Variants in KCNQ5 observed in about 807,000 individuals in gnomAD.
KCNQ5 encodes potassium voltage-gated channel subfamily Q member 5.
Under a neutral mutation model 98.2 loss-of-function variants are expected in KCNQ5, and 30 were observed. The observed-to-expected ratio is 0.31, with a 90% CI of 0.23 to 0.41. KCNQ5 has a LOEUF of 0.41. Among genes scored for constraint, KCNQ5 ranks in the 10% least tolerant of loss-of-function variants. The pLI is 1.00. For synonymous variants in KCNQ5, 458 were observed against 449.4 expected (o/e 1.02, Z -0.24); for missense variants, 835 against 1,182.5 (o/e 0.71, Z 4.31).
chr6:72,736,528 C>A (rs1450572177), intron 1 of KCNQ5, among the ~76,000 whole-genome samples: 9 of 95,224 alleles, frequency 9.5e-5, no homozygotes, highest in Non-Finnish European at 8.9e-5. Context: ...GAGACGGAGT[C>A]TCGCTCTGTC....
At chr6:72,718,451 T>C (rs1270946715) in intron 1 of KCNQ5, among the ~76,000 whole-genome samples, 1 of 135,210 alleles carries the variant, frequency 7.4e-6, no homozygotes, top group African/African-American at 2.8e-5. Flanking sequence ...TGCTCTTTTT[T>C]TTTTTTTTTT....
chr6:72,844,447 T>C (rs762917187), intron 1 of KCNQ5, among the ~76,000 whole-genome samples: 4 of 152,234 alleles, frequency 2.6e-5, no homozygotes, highest in Admixed American at 6.5e-5. Flanking sequence ...CATTCTATAA[T>C]GAAACATATT....
chr6:72,664,381 C>T (rs1003228114), intron 1 of KCNQ5, among the ~76,000 whole-genome samples: 16 of 152,028 alleles, frequency 1.1e-4, no homozygotes, highest in Non-Finnish European at 7.4e-5. Flanking sequence ...AGGCCGGGTG[C>T]GGTGGCTCAT....
chr6:73,173,984 TG>T (rs1455305182), intron 11 of KCNQ5, among the ~76,000 whole-genome samples: 2 of 152,134 alleles, frequency 1.3e-5, no homozygotes, highest in Non-Finnish European at 2.9e-5. Context: ...ATTCACCATT[TG>T]GGGAAAGAGC....
At chr6:72,823,427 A>G (rs1029056050) in intron 1 of KCNQ5, among the ~76,000 whole-genome samples, 29 of 152,160 alleles carry the variant, frequency 1.9e-4, no homozygotes, top group African/African-American at 6.8e-4. Flanking sequence ...AAATACAAGT[A>G]TTTGTAGGAA....
chr6:72,981,071 T>C (rs979538610), intron 1 of KCNQ5, among the ~76,000 whole-genome samples: 5 of 152,242 alleles, frequency 3.3e-5, no homozygotes, highest in Non-Finnish European at 7.3e-5. Flanking sequence ...CAGTATTTTA[T>C]TGAGGATTTT....
At chr6:72,736,071 ATG>A (rs1770814244) in intron 1 of KCNQ5, among the ~76,000 whole-genome samples, 1 of 128,180 alleles carries the variant, frequency 7.8e-6, no homozygotes, top group Non-Finnish European at 1.6e-5. Context: ...TCATGCACAT[ATG>A]TGTGTACACA....
chr6:72,940,982 TG>T (rs553274343), intron 1 of KCNQ5, among the ~76,000 whole-genome samples: 101 of 152,240 alleles, frequency 6.6e-4, no homozygotes, highest in African/African-American at 2.4e-3. Flanking sequence ...ATTAGATGAC[TG>T]AAAAAAAATA....
intron 11 of KCNQ5, among the ~76,000 whole-genome samples, chr6:73,186,204 G>A (rs569745825): frequency 4.6e-5 from 7 of 151,968 alleles, no homozygotes; most frequent in South Asian, 2.1e-4. Flanking sequence ...TCCACCTGGC[G>A]TGACAGAGTG....
intron 1 of KCNQ5, among the ~76,000 whole-genome samples, chr6:72,967,451 A>G (rs1163701774): frequency 6.6e-6 from 1 of 152,214 alleles, no homozygotes; most frequent in Non-Finnish European, 1.5e-5. Context: ...AAGTTTGGGC[A>G]TATATTAGTT....
At chr6:72,644,326 C>T (rs554356387) in intron 1 of KCNQ5, among the ~76,000 whole-genome samples, 2 of 152,098 alleles carry the variant, frequency 1.3e-5, no homozygotes, top group African/African-American at 4.8e-5. Context: ...GTTTGTAAGT[C>T]ATACCTGAAT....
rs549221277 is a variant in KCNQ5 at position 72,785,557 on chromosome 6, G to C, written c.398+162970G>C. On this transcript the variant is annotated intron_variant, in intron 1 of 13. Transcript: ENST00000370398. ...CCCAGATACTCGGGAGGCTGAGTCA[G>C]GAGAATCCCTTAAACCTGGGAGGTG... Among the ~76,000 whole-genome samples the C allele has an allele frequency of 1.3e-4, 20 of 151,990 alleles. 1 individual carries two copies. Among genetic ancestry groups the C allele is most frequent in the Non-Finnish European group, 2.6e-4 (18 of 68,008 alleles).
chr6:72,691,697 A>T (rs1768220758), intron 1 of KCNQ5, among the ~76,000 whole-genome samples: 1 of 152,214 alleles, frequency 6.6e-6, no homozygotes, highest in Non-Finnish European at 1.5e-5. Flanking sequence ...CATTTTGGAC[A>T]GATGTCCTTA....
intron 1 of KCNQ5, among the ~76,000 whole-genome samples, chr6:72,834,609 A>T (rs1289745126): frequency 2.0e-5 from 3 of 152,212 alleles, no homozygotes; most frequent in Non-Finnish European, 4.4e-5. Flanking sequence ...ACTGAAGCAC[A>T]ATTAAATTCT....
chr6:72,756,610 T>C (rs182978280), intron 1 of KCNQ5, among the ~76,000 whole-genome samples: 61 of 152,274 alleles, frequency 4.0e-4, no homozygotes, highest in Admixed American at 8.5e-4. Flanking sequence ...ATTGAAATCA[T>C]TTTTCAAAAA....
Position 72,929,825 on chromosome 6 carries a change from T to A in KCNQ5, c.399-74083T>A, listed in dbSNP as rs115850672. 5.5e-3 allele frequency among the ~76,000 whole-genome samples: 844 copies of A among 152,200 alleles called. 6 individuals are homozygous for A. Among genetic ancestry groups the A allele is most frequent in the African/African-American group, 0.02 (812 of 41,544 alleles). On this transcript the variant is annotated intron_variant, in intron 1 of 13. Coordinates refer to ENST00000370398, the MANE Select transcript of KCNQ5 (RefSeq NM_019842.4). ...TTGTTGATGAAATTAATAAAGAATA[T>A]CAAAAAGCCCATTAGGTAGATATTT...
chr6:73,195,543 C>A lies in KCNQ5; in HGVS notation c.*129C>A. 1.7e-6 allele frequency: 2 copies of A among 1,192,514 alleles called. No individual in the cohort carries two copies. Among genetic ancestry groups the A allele is most frequent in the African/African-American group, 1.5e-5 (1 of 65,492 alleles). The allele number at this position is 1,192,514 out of a possible 1,614,324, so 73.9% of individuals were successfully genotyped here. Reference sequence around the variant, plus strand: ...AAGAACATGAAAGGCAGTTTATAAGCCCGTTACCTTTTAATTGCATGAAAA... The same window carrying A: ...AAGAACATGAAAGGCAGTTTATAAGACCGTTACCTTTTAATTGCATGAAAA... On this transcript the variant is annotated 3_prime_UTR_variant, in exon 14 of 14. Coordinates refer to ENST00000370398, the MANE Select transcript of KCNQ5 (RefSeq NM_019842.4).
chr6:73,058,481 G>A (rs1009968978), intron 3 of KCNQ5, among the ~76,000 whole-genome samples: 2 of 152,118 alleles, frequency 1.3e-5, no homozygotes, highest in Non-Finnish European at 2.9e-5. Context: ...GGACATATAG[G>A]ACCTGGCAAA....
chr6:72,994,916 A>G (rs1769214150), intron 1 of KCNQ5, among the ~76,000 whole-genome samples: 2 of 152,144 alleles, frequency 1.3e-5, no homozygotes, highest in South Asian at 4.1e-4. Context: ...ATTTTAAAAA[A>G]TCTTGAAAAA....
Sources: gnomAD v4.1 joint callset for allele counts (sites outside exome capture counted in the v4.1 genomes callset) on GRCh38, gnomAD v4.1.1 for gene constraint, MANE v1.5 for transcripts, NCBI Gene and HGNC (gene_info 2026-07-23, HGNC 2026-07-21) for gene names.